The following WDFY3 variants were observed in gnomAD, a reference collection of about 807,000 sequenced individuals.
WDFY3 encodes WD repeat and FYVE domain containing 3.
A neutral mutation model predicts 409.6 loss-of-function variants in WDFY3; 66 were observed. The ratio of observed to expected loss-of-function variants is 0.16; its 90% CI spans 0.13 to 0.20. The LOEUF is 0.20. Ranked by LOEUF, WDFY3 falls within the 10% of genes least tolerant of loss-of-function variation. WDFY3 has a pLI of 1.00. For synonymous variants in WDFY3, 1,521 were observed against 1,537.1 expected (o/e 0.99, Z 0.25); for missense variants, 3,031 against 4,298.1 (o/e 0.71, Z 8.24).
At chr4:84,879,686 A>C (rs1322889684) in intron 3 of WDFY3, among the ~76,000 whole-genome samples, 1 of 152,168 alleles carries the variant, frequency 6.6e-6, no homozygotes, top group Non-Finnish European at 1.5e-5. Context: ...AAAAAAGTAA[A>C]CACAAGCTAG....
intron 3 of WDFY3, among the ~76,000 whole-genome samples, chr4:84,871,403 C>T (rs78917906): frequency 1.6e-4 from 25 of 152,216 alleles, no homozygotes; most frequent in African/African-American, 6.0e-4. Context: ...AATTCCTAGG[C>T]ATTCTATATC....
At chr4:84,718,078 AAAAAAG>A (rs1426096787) in intron 48 of WDFY3, among the ~76,000 whole-genome samples, 3 of 151,088 alleles carry the variant, frequency 2.0e-5, no homozygotes, top group African/African-American at 7.3e-5. Flanking sequence ...AAAAAAAAAA[AAAAAAG>A]AGTATTTTCT....
intron 64 of WDFY3, among the ~76,000 whole-genome samples, chr4:84,681,917 G>A (rs1727422077): frequency 6.6e-6 from 1 of 152,160 alleles, no homozygotes; most frequent in Non-Finnish European, 1.5e-5. Context: ...CCCAATGTAA[G>A]CAAGTCTGAC....
intron 65 of WDFY3, 32 bp from the exon 66 acceptor site, chr4:84,678,311 C>T: frequency 6.5e-7 from 1 of 1,545,734 alleles, no homozygotes; most frequent in South Asian, 1.1e-5. Flanking sequence ...CACAACATAA[C>T]TCAACTGAGA....
chr4:84,797,675 G>A (rs1020264734), intron 18 of WDFY3, among the ~76,000 whole-genome samples: 2 of 151,762 alleles, frequency 1.3e-5, no homozygotes, highest in African/African-American at 4.8e-5. Context: ...CTGCCTCCCG[G>A]GTTCACGCCA....
At chr4:84,869,232 C>T (rs1411567477) in intron 3 of WDFY3, among the ~76,000 whole-genome samples, 18 of 152,200 alleles carry the variant, frequency 1.2e-4, no homozygotes, top group Admixed American at 1.2e-3. Flanking sequence ...CAAAATCTCA[C>T]TCTGGTCTTT....
chr4:84,721,288 A>G, intron 47 of WDFY3, 121 bp downstream of exon 47: 1 of 1,352,932 alleles, frequency 7.4e-7, no homozygotes, highest in South Asian at 1.4e-5. Flanking sequence ...AAGGCTGCTT[A>G]AGCTGTATTT....
At chr4:84,744,982 G>A (rs537910870) in intron 36 of WDFY3, among the ~76,000 whole-genome samples, 18 of 151,992 alleles carry the variant, frequency 1.2e-4, no homozygotes, top group African/African-American at 4.1e-4. Context: ...TAAGGAGGAC[G>A]GTGAACAACC....
At chr4:84,764,557 T>C (rs1203882535) in intron 32 of WDFY3, among the ~76,000 whole-genome samples, 1 of 152,108 alleles carries the variant, frequency 6.6e-6, no homozygotes, top group Non-Finnish European at 1.5e-5. Context: ...AATAGTACTA[T>C]GTTGAAAGAC....
intron 32 of WDFY3, among the ~76,000 whole-genome samples, chr4:84,765,192 T>C (rs1743419765): frequency 6.6e-6 from 1 of 152,190 alleles, no homozygotes; most frequent in Non-Finnish European, 1.5e-5. Flanking sequence ...ATATTACTAA[T>C]ATGAATGGAA....
Position 84,705,382 on chromosome 4 carries a change from A to G in WDFY3, c.8335+12T>C, listed in dbSNP as rs770961885. 1.9e-6 allele frequency: 3 copies of G among 1,607,544 alleles called. No individual in the cohort carries two copies. In the South Asian group the frequency reaches 3.3e-5, roughly 18 times the overall value. Reference sequence around the variant, plus strand: ...TTGGGTACAAAGTCCAATGACAGAAAAAGTTCCTTACCATTAGGATCCTCC... The same window carrying G: ...TTGGGTACAAAGTCCAATGACAGAAGAAGTTCCTTACCATTAGGATCCTCC... On this transcript the variant is annotated intron_variant, in intron 54 of 67. Coordinates refer to ENST00000295888, the MANE Select transcript of WDFY3 (RefSeq NM_014991.6).
chr4:84,892,526 T>G (rs769871139), intron 3 of WDFY3, among the ~76,000 whole-genome samples: 1 of 152,192 alleles, frequency 6.6e-6, no homozygotes, highest in Non-Finnish European at 1.5e-5. Flanking sequence ...ATATTTCCTA[T>G]GCATCAGGTT....
Position 84,695,994 on chromosome 4 carries a change from A to G in WDFY3, c.8877T>C (p.Asn2959=), listed in dbSNP as rs762220273. 2 of 1,614,092 alleles carry G rather than the reference A, an allele frequency of 1.2e-6. No homozygotes were observed. The highest frequency in any genetic ancestry group is 8.5e-7 in the Non-Finnish European group (1 of 1,180,030). The change falls in exon 58 of 68, where the codon AAT becomes AAC. Residue 2959 remains asparagine (N), a synonymous_variant. Transcript: ENST00000295888. ...LKETATIGFI[N]NFGQIPKQLF... ...CCTGTTTAGGGATCTGACCGAAGTT[A>G]TTAATGAACCCAATTGTGGCTGTCT...
chr4:84,817,665 T>C (rs978075409), intron 12 of WDFY3, 80 bp from the exon 13 acceptor site: 7 of 1,280,866 alleles, frequency 5.5e-6, no homozygotes, highest in Admixed American at 2.5e-5. Context: ...CATTCAGTTA[T>C]TTTTTGTAGG....
intron 56 of WDFY3, 119 bp from the exon 57 acceptor site, chr4:84,696,942 C>T (rs572478541): frequency 1.6e-5 from 13 of 788,742 alleles, no homozygotes; most frequent in Non-Finnish European, 2.6e-5. Context: ...TAAAATTGTA[C>T]ACCAGAAAGG....
intron 46 of WDFY3, among the ~76,000 whole-genome samples, chr4:84,723,480 G>C (rs958271499): frequency 1.9e-4 from 29 of 151,962 alleles, no homozygotes; most frequent in African/African-American, 6.8e-4. Flanking sequence ...TTACACTTTA[G>C]GGCTTTATAG....
intron 35 of WDFY3, among the ~76,000 whole-genome samples, chr4:84,753,095 T>C (rs1038201581): frequency 1.3e-5 from 2 of 152,200 alleles, no homozygotes; most frequent in African/African-American, 4.8e-5. Flanking sequence ...CGTGAATACA[T>C]TTTCAAAGCA....
At position 84,796,725 on chromosome 4, in the gene WDFY3, A is replaced by G. The variant is rs1749513286; in HGVS notation, c.2963T>C (p.Leu988Pro). Residue 988 changes from leucine to proline, a missense_variant, in exon 19 of 68, where the codon CTG becomes CCG. By Grantham distance (98) the Leu-to-Pro change is moderately conservative (BLOSUM62 -3). Coordinates refer to ENST00000295888, the MANE Select transcript of WDFY3 (RefSeq NM_014991.6). ...TAAGCTAAAAACATTATCAGTACCC[A>G]GACCTTCCAGAGATGTGATCATACT... Reference protein sequence around the residue: ...RSSMITSLEGLGTDNVFSLHE... With the variant: ...RSSMITSLEGPGTDNVFSLHE... 6.2e-7 allele frequency: 1 copy of G among 1,613,782 alleles called. No individual in the cohort carries two copies. The highest frequency in any genetic ancestry group is 2.2e-5 in the East Asian group (1 of 44,840).
chr4:84,786,982 C>G (rs1319388159), intron 23 of WDFY3, among the ~76,000 whole-genome samples: 1 of 152,146 alleles, frequency 6.6e-6, no homozygotes, highest in Non-Finnish European at 1.5e-5. Context: ...TACCAAGGAA[C>G]TGCCAGCTTA....
Sources: gnomAD v4.1 joint callset for allele counts (sites outside exome capture counted in the v4.1 genomes callset) on GRCh38, gnomAD v4.1.1 for gene constraint, MANE v1.5 for transcripts, NCBI Gene and HGNC (gene_info 2026-07-23, HGNC 2026-07-21) for gene names.